Variants in KATNAL1 observed in about 807,000 individuals in gnomAD.
KATNAL1 encodes katanin catalytic subunit A1 like 1.
In KATNAL1, 32 loss-of-function variants were observed where a neutral mutation model predicts 55.2. The ratio of observed to expected loss-of-function variants is 0.58; its 90% CI spans 0.44 to 0.78. KATNAL1 has a LOEUF of 0.78. Among genes scored for constraint, KATNAL1 ranks in the 30% least tolerant of loss-of-function variants. The probability of loss-of-function intolerance (pLI) is 0.00; values close to 1 mark genes in which losing one functional copy is unlikely to be tolerated. For missense variants in KATNAL1, 466 were observed against 600.9 expected, an observed-to-expected ratio of 0.78 and a Z score of 2.35; for synonymous variants, 193 against 193.6, an observed-to-expected ratio of 1.00 and a Z score of 0.02.
chr13:30,249,828 G>C (rs1004960685), intron 4 of KATNAL1, among the ~76,000 whole-genome samples: 4 of 152,172 alleles, frequency 2.6e-5, no homozygotes, highest in African/African-American at 9.7e-5. Context: ...AGGCTTACAT[G>C]CAGTGAGATG....
intron 2 of KATNAL1, among the ~76,000 whole-genome samples, chr13:30,280,794 GTTTAT>G (rs1413127274): frequency 1.3e-5 from 2 of 152,044 alleles, no homozygotes; most frequent in Non-Finnish European, 2.9e-5. Context: ...TCTGAGTAAA[GTTTAT>G]TTTGATTTCA....
At chr13:30,305,050 C>T (rs1183164140) in intron 1 of KATNAL1, among the ~76,000 whole-genome samples, 3 of 152,132 alleles carry the variant, frequency 2.0e-5, no homozygotes, top group Non-Finnish European at 4.4e-5. Flanking sequence ...TTCTATTATA[C>T]AACTGGCTTT....
At chr13:30,292,354 C>T (rs1428549161) in intron 1 of KATNAL1, among the ~76,000 whole-genome samples, 2 of 151,836 alleles carry the variant, frequency 1.3e-5, no homozygotes, top group Non-Finnish European at 1.5e-5. Context: ...CAGAAGACAA[C>T]CTAACCCAAG....
chr13:30,252,655 C>T (rs927489927), intron 4 of KATNAL1, among the ~76,000 whole-genome samples: 4 of 152,148 alleles, frequency 2.6e-5, no homozygotes, highest in Non-Finnish European at 5.9e-5. Context: ...GGCAGCAATA[C>T]ACAAAACTGA....
At chr13:30,304,188 C>G (rs1883038102) in intron 1 of KATNAL1, among the ~76,000 whole-genome samples, 2 of 152,074 alleles carry the variant, frequency 1.3e-5, no homozygotes, top group South Asian at 4.1e-4. Context: ...TTGTTATGCT[C>G]TCTCCCAGTT....
intron 3 of KATNAL1, among the ~76,000 whole-genome samples, chr13:30,263,430 G>C (rs1434567076): frequency 1.3e-5 from 2 of 150,628 alleles, no homozygotes; most frequent in Non-Finnish European, 3.0e-5. Flanking sequence ...AAGTCAAATT[G>C]TCCCTGTTTG....
At chr13:30,217,753 A>T (rs1874434310) in intron 9 of KATNAL1, among the ~76,000 whole-genome samples, 1 of 152,098 alleles carries the variant, frequency 6.6e-6, no homozygotes, top group African/African-American at 2.4e-5. Flanking sequence ...TAAAATAAGA[A>T]CAGAATCTAC....
chr13:30,305,616 T>C (rs1883128538), intron 1 of KATNAL1, among the ~76,000 whole-genome samples: 1 of 152,234 alleles, frequency 6.6e-6, no homozygotes, highest in South Asian at 2.1e-4. Flanking sequence ...AATCAGTAAC[T>C]ACTTCACCAA....
At chr13:30,252,553 G>C (rs1878419366) in intron 4 of KATNAL1, among the ~76,000 whole-genome samples, 1 of 152,002 alleles carries the variant, frequency 6.6e-6, no homozygotes. Flanking sequence ...ATAAACATAT[G>C]AATAAATTTG....
intron 3 of KATNAL1, among the ~76,000 whole-genome samples, chr13:30,259,333 C>G (rs1282369099): frequency 3.3e-5 from 5 of 150,444 alleles, no homozygotes; most frequent in African/African-American, 7.4e-5. Context: ...CAGCAAGGCT[C>G]CATCTCAAAG....
intron 4 of KATNAL1, among the ~76,000 whole-genome samples, chr13:30,241,508 T>C (rs772256233): frequency 2.0e-5 from 3 of 152,194 alleles, no homozygotes; most frequent in Admixed American, 6.5e-5. Flanking sequence ...TTTAATAATA[T>C]AGTTGTTTTA....
At position 30,284,401 on chromosome 13, in the gene KATNAL1, AT is replaced by A. The variant is rs539394060; in HGVS notation, c.-14-611del. Among the ~76,000 whole-genome samples the A allele has an allele frequency of 2.2e-3, 327 of 151,724 alleles. 2 individuals are homozygous for A. Among genetic ancestry groups the A allele is most frequent in the Middle Eastern group, 0.01 (3 of 294 alleles). On this transcript the variant is annotated intron_variant, in intron 1 of 10. Transcript: ENST00000380615. Reference sequence around the variant, plus strand: ...ACCATAGGCTGCAATAACAGATGAAATTTTTTTTTATTCAATTTATTCTTGA... The same window carrying A: ...ACCATAGGCTGCAATAACAGATGAAATTTTTTTTATTCAATTTATTCTTGA...
chr13:30,246,593 G>A (rs1387891399), intron 4 of KATNAL1, among the ~76,000 whole-genome samples: 1 of 152,170 alleles, frequency 6.6e-6, no homozygotes, highest in African/African-American at 2.4e-5. Context: ...ACTATCATCA[G>A]AGCAAACAGG....
Position 30,275,673 on chromosome 13 carries a change from C to G in KATNAL1, c.323+4390G>C, listed in dbSNP as rs572018263. ...TGACTGTAGTTAACAATACTGTATA[C>G]CTGAATCTGCTAAGAGGGTAGATCT... On this transcript the variant is annotated intron_variant, in intron 3 of 10. Transcript: ENST00000380615. 3.9e-5 allele frequency among the ~76,000 whole-genome samples: 6 copies of G among 152,072 alleles called. No individual in the cohort carries two copies. In the South Asian group the frequency reaches 1.2e-3, roughly 32 times the overall value.
chr13:30,220,279 G>T (rs1449717707), intron 9 of KATNAL1, among the ~76,000 whole-genome samples: 2 of 152,106 alleles, frequency 1.3e-5, no homozygotes, highest in African/African-American at 4.8e-5. Context: ...TGGCCAACAT[G>T]GTGAAACCCC....
chr13:30,208,799 T>G, intron 10 of KATNAL1, 61 bp from the exon 11 acceptor site: 1 of 1,110,238 alleles, frequency 9.0e-7, no homozygotes. Context: ...CACTTTCAAT[T>G]GTAACAAAGT....
At position 30,270,785 on chromosome 13, in the gene KATNAL1, A is replaced by G. The variant is rs774662516; in HGVS notation, c.323+9278T>C. ...GGACACAAACACTGCGGAAGGCCGC[A>G]GGGTCCTCTGCCTAGGAAAACCAGA... On this transcript the variant is annotated intron_variant, in intron 3 of 10. Coordinates refer to ENST00000380615, the MANE Select transcript of KATNAL1 (RefSeq NM_032116.5). 2.9e-3 allele frequency among the ~76,000 whole-genome samples: 432 copies of G among 151,324 alleles called. 1 individual carries two copies. Among genetic ancestry groups the G allele is most frequent in the Non-Finnish European group, 4.7e-3 (317 of 67,566 alleles).
At chr13:30,246,071 A>T (rs897361316) in intron 4 of KATNAL1, among the ~76,000 whole-genome samples, 5 of 152,220 alleles carry the variant, frequency 3.3e-5, no homozygotes, top group Non-Finnish European at 7.3e-5. Flanking sequence ...GGAACCAAAA[A>T]GAGCCCATAT....
At chr13:30,281,865 T>A (rs534285111) in intron 2 of KATNAL1, 1 of 152,164 alleles carries the variant, frequency 6.6e-6, no homozygotes, top group African/African-American at 2.4e-5. Context: ...GTGTTCTGTA[T>A]TTTTTTTACT....
Sources: allele counts gnomAD v4.1 joint callset (sites outside exome capture counted in the v4.1 genomes callset), GRCh38; gene constraint gnomAD v4.1.1; transcripts MANE v1.5; gene names NCBI Gene and HGNC (gene_info 2026-07-23, HGNC 2026-07-21).